The following RBFOX1 variants were observed in gnomAD, a reference collection of about 807,000 sequenced individuals.
RBFOX1 encodes RNA binding protein fox-1 homolog 1.
Under a neutral mutation model 57.7 loss-of-function variants are expected in RBFOX1, and 8 were observed. The observed-to-expected ratio is 0.14, with a 90% CI of 0.08 to 0.25. The LOEUF is 0.25. Ranked by LOEUF, RBFOX1 falls within the 10% of genes least tolerant of loss-of-function variation. The pLI is 1.00. For missense variants in RBFOX1, 611 were observed against 548.5 expected (o/e 1.11, Z -1.14); for synonymous variants, 326 against 222.4 (o/e 1.47, Z -4.15).
At position 6,495,834 on chromosome 16, in the gene RBFOX1, C is replaced by T. The variant is rs80302727; in HGVS notation, c.-63-158769C>T. ...ACTCCTTCTTCCCACCTATTGAAGA[C>T]GTGGAATTGTTGGTTGTCCATTGTA... On this transcript the variant is annotated intron_variant, in intron 2 of 15. Transcript: ENST00000550418. Among the ~76,000 whole-genome samples the T allele has an allele frequency of 6.0e-3, 918 of 152,262 alleles. 17 individuals are homozygous for T. The highest frequency in any genetic ancestry group is 0.021 in the African/African-American group (871 of 41,544).
intron 4 of RBFOX1, among the ~76,000 whole-genome samples, chr16:7,359,475 C>T (rs540841837): frequency 1.3e-5 from 2 of 152,162 alleles, no homozygotes; most frequent in South Asian, 2.1e-4. Flanking sequence ...TTTACTACTC[C>T]CTGTGGAGCT....
At chr16:6,989,055 G>GC (rs1405861692) in intron 3 of RBFOX1, among the ~76,000 whole-genome samples, 1 of 151,838 alleles carries the variant, frequency 6.6e-6, no homozygotes, top group Admixed American at 6.6e-5. Context: ...GAGCCACCGC[G>GC]CCCGGCTTTT....
intron 4 of RBFOX1, among the ~76,000 whole-genome samples, chr16:7,257,374 G>T (rs540783906): frequency 1.3e-4 from 20 of 152,196 alleles, no homozygotes; most frequent in African/African-American, 4.6e-4. Context: ...CATGAGACTT[G>T]CTGCCCCTCT....
intron 4 of RBFOX1, among the ~76,000 whole-genome samples, chr16:5,989,342 A>G (rs573488020): frequency 1.8e-4 from 28 of 151,952 alleles, no homozygotes; most frequent in Non-Finnish European, 1.6e-4. Context: ...AAAAAACAGA[A>G]CAAAACAAAC....
At chr16:7,021,470 T>C (rs1207928431) in intron 3 of RBFOX1, among the ~76,000 whole-genome samples, 1 of 146,040 alleles carries the variant, frequency 6.8e-6, no homozygotes, top group Non-Finnish European at 1.5e-5. Context: ...TAATATAATT[T>C]ATATTGTATA....
chr16:5,736,107 G>T (rs948383211), intron 3 of RBFOX1, among the ~76,000 whole-genome samples: 5 of 151,990 alleles, frequency 3.3e-5, no homozygotes, highest in African/African-American at 4.8e-5. Context: ...TTCTTTACTG[G>T]CTGCGATGAT....
chr16:5,648,443 A>G (rs923124576), intron 3 of RBFOX1, among the ~76,000 whole-genome samples: 1 of 152,160 alleles, frequency 6.6e-6, no homozygotes, highest in African/African-American at 2.4e-5. Flanking sequence ...TTTCATCTAG[A>G]CCAGGGCTTT....
chr16:6,763,746 C>T (rs1041329001), intron 3 of RBFOX1, among the ~76,000 whole-genome samples: 2 of 152,170 alleles, frequency 1.3e-5, no homozygotes, highest in Non-Finnish European at 1.5e-5. Context: ...ATTCCAAAAC[C>T]ACTGGACGGA....
chr16:6,639,313 T>C (rs561408609), intron 2 of RBFOX1, among the ~76,000 whole-genome samples: 4 of 152,278 alleles, frequency 2.6e-5, no homozygotes, highest in South Asian at 2.1e-4. Context: ...TTAAATAGTT[T>C]CGTTGAGTCC....
chr16:6,895,613 G>T (rs1308710132), intron 3 of RBFOX1, among the ~76,000 whole-genome samples: 1 of 151,000 alleles, frequency 6.6e-6, no homozygotes, highest in East Asian at 1.9e-4. Context: ...TGGAGGAGAA[G>T]AAAAAAATGG....
rs566221443 is a variant in RBFOX1 at position 5,889,613 on chromosome 16, A to C, written c.351+22278A>C. 2.9e-3 allele frequency among the ~76,000 whole-genome samples: 449 copies of C among 152,324 alleles called. 4 individuals carry two copies. The highest frequency in any genetic ancestry group is 0.01 in the African/African-American group (431 of 41,566). On this transcript the variant is annotated intron_variant, in intron 4 of 19. Transcript: ENST00000641259. The stretch of plus-strand genomic sequence containing the variant: ...CTATGTGCCAGTCACACTTTTGGGC[A>C]CTGAGGATGCAGGACAAGCAGACTC...
At chr16:7,420,647 A>C (rs1366886654) in intron 4 of RBFOX1, among the ~76,000 whole-genome samples, 9 of 150,732 alleles carry the variant, frequency 6.0e-5, no homozygotes. Context: ...TTTGTTTTTC[A>C]TGCTGCCAGG....
At chr16:7,332,812 A>G (rs2096715724) in intron 4 of RBFOX1, 1 of 1,404,838 alleles carries the variant, frequency 7.1e-7, no homozygotes, top group African/African-American at 1.4e-5. Flanking sequence ...TGGGAAGAAA[A>G]CTTTCACATT....
At chr16:6,921,316 A>C (rs1354674420) in intron 3 of RBFOX1, among the ~76,000 whole-genome samples, 2 of 152,174 alleles carry the variant, frequency 1.3e-5, no homozygotes, top group Non-Finnish European at 2.9e-5. Context: ...TCATGCTCTC[A>C]CATGACTCCA....
intron 2 of RBFOX1, among the ~76,000 whole-genome samples, chr16:5,497,254 A>AT (rs111288741): frequency 3.8e-4 from 56 of 146,426 alleles, no homozygotes; most frequent in Non-Finnish European, 4.4e-4. Context: ...CCTTTGGGAT[A>AT]TTTTTTTTTT....
intron 3 of RBFOX1, among the ~76,000 whole-genome samples, chr16:6,887,693 C>T (rs1324723378): frequency 3.3e-5 from 5 of 149,978 alleles, no homozygotes; most frequent in Non-Finnish European, 7.4e-5. Flanking sequence ...GGCAGAGTCT[C>T]ACTCTGTCAC....
At chr16:6,983,544 C>G (rs1426106050) in intron 3 of RBFOX1, 3 of 151,882 alleles carry the variant, frequency 2.0e-5, no homozygotes, top group East Asian at 1.9e-4. Context: ...CACTCACTCC[C>G]CAGGGGTGGT....
At chr16:7,644,466 A>G (rs961437554) in intron 11 of RBFOX1, among the ~76,000 whole-genome samples, 6 of 152,234 alleles carry the variant, frequency 3.9e-5, no homozygotes, top group African/African-American at 1.2e-4. Context: ...AGGGAGGTCC[A>G]GGATCCCTTA....
chr16:7,672,542 T>A (rs1026333002), intron 13 of RBFOX1, among the ~76,000 whole-genome samples: 1 of 152,126 alleles, frequency 6.6e-6, no homozygotes, highest in Non-Finnish European at 1.5e-5. Flanking sequence ...TCAAGAGAAC[T>A]GGACCTCCAA....
Sources: allele counts gnomAD v4.1 joint callset (sites outside exome capture counted in the v4.1 genomes callset), GRCh38; gene constraint gnomAD v4.1.1; transcripts MANE v1.5; gene names NCBI Gene and HGNC (gene_info 2026-07-23, HGNC 2026-07-21).